The following MIPOL1 variants were observed in gnomAD, a reference collection of about 807,000 sequenced individuals.
MIPOL1 encodes the protein mirror-image polydactyly 1, also known as mirror-image polydactyly gene 1 protein.
A neutral mutation model predicts 60.9 loss-of-function variants in MIPOL1; 57 were observed. That is an observed-to-expected ratio of 0.94 (90% CI 0.76 to 1.17). The LOEUF is 1.17. MIPOL1 is among the 50% of genes most tolerant of loss of function. The pLI is 0.00. For synonymous variants in MIPOL1, 179 were observed against 168.8 expected, an observed-to-expected ratio of 1.06 and a Z score of -0.47; for missense variants, 551 against 511.6, an observed-to-expected ratio of 1.08 and a Z score of -0.74.
chr14:37,401,686 C>T (rs938427670), intron 10 of MIPOL1: 3 of 151,954 alleles, frequency 2.0e-5, no homozygotes, highest in Non-Finnish European at 4.4e-5. Context: ...ATTCATTCTT[C>T]CTGGAGGAAT....
intron 9 of MIPOL1, among the ~76,000 whole-genome samples, chr14:37,359,672 G>A (rs1415314681): frequency 6.6e-6 from 1 of 152,150 alleles, no homozygotes; most frequent in Non-Finnish European, 1.5e-5. Context: ...TTTGCACATT[G>A]ATTTTGTATC....
chr14:37,438,943 G>A (rs1314147482), intron 11 of MIPOL1, among the ~76,000 whole-genome samples: 1 of 152,150 alleles, frequency 6.6e-6, no homozygotes, highest in African/African-American at 2.4e-5. Context: ...CTGTGCTGTA[G>A]CACAATCACT....
chr14:37,510,363 C>T (rs527473600), intron 12 of MIPOL1, among the ~76,000 whole-genome samples: 4 of 152,040 alleles, frequency 2.6e-5, no homozygotes, highest in South Asian at 2.1e-4. Context: ...TACAGGCATG[C>T]GTCACCACAC....
chr14:37,393,795 T>A (rs772203776), intron 10 of MIPOL1, among the ~76,000 whole-genome samples: 87 of 151,212 alleles, frequency 5.8e-4, no homozygotes, highest in Non-Finnish European at 1.1e-3. Flanking sequence ...GGTGCACCCA[T>A]CACCTGAGCA....
At chr14:37,313,684 T>A (rs1435006984) in intron 9 of MIPOL1, among the ~76,000 whole-genome samples, 1 of 152,168 alleles carries the variant, frequency 6.6e-6, no homozygotes, top group Non-Finnish European at 1.5e-5. Context: ...TACATGCGTG[T>A]TTGGACTCTA....
In MIPOL1 at chr14:37,247,843, GC is replaced by G. The variant is rs761108346; in HGVS notation, c.-45del. The G allele has an allele frequency of 2.5e-5, 41 of 1,608,826 alleles. No individual in the cohort carries two copies. The highest frequency in any genetic ancestry group is 3.1e-5 in the Non-Finnish European group (37 of 1,177,318). ...CTTTATTTTAGCTGCAAATCTTGGA[GC>G]AAAAACCAGAGACATTGCCAGAGCA... On this transcript the variant is annotated 5_prime_UTR_variant, in exon 3 of 13. Transcript: ENST00000684589.
intron 10 of MIPOL1, among the ~76,000 whole-genome samples, chr14:37,380,887 C>A (rs888743013): frequency 6.6e-6 from 1 of 152,120 alleles, no homozygotes; most frequent in Non-Finnish European, 1.5e-5. Flanking sequence ...TTAGGCCCAA[C>A]AGGCAGATGT....
chr14:37,498,326 T>A (rs2095164449), intron 11 of MIPOL1, among the ~76,000 whole-genome samples: 1 of 152,212 alleles, frequency 6.6e-6, no homozygotes, highest in Admixed American at 6.5e-5. Context: ...TAATTAACAA[T>A]TAAAATATAA....
chr14:37,283,937 G>T (rs1244314700), intron 6 of MIPOL1, among the ~76,000 whole-genome samples: 4 of 151,952 alleles, frequency 2.6e-5, no homozygotes, highest in African/African-American at 4.8e-5. Context: ...TGTTATTATT[G>T]CCCTTACTGG....
At chr14:37,326,961 A>C (rs1250447330) in intron 9 of MIPOL1, among the ~76,000 whole-genome samples, 1 of 152,054 alleles carries the variant, frequency 6.6e-6, no homozygotes, top group Non-Finnish European at 1.5e-5. Context: ...AGAGCAGAAA[A>C]TGAAAAAAAA....
At chr14:37,395,233 T>C (rs1293767815) in intron 10 of MIPOL1, among the ~76,000 whole-genome samples, 2 of 152,064 alleles carry the variant, frequency 1.3e-5, no homozygotes, top group Non-Finnish European at 1.5e-5. Flanking sequence ...CTATGCGTGC[T>C]CTTTTTTGGT....
At chr14:37,521,446 T>A (rs1198461702) in intron 12 of MIPOL1, among the ~76,000 whole-genome samples, 2 of 152,194 alleles carry the variant, frequency 1.3e-5, no homozygotes. Context: ...ACACAATTTA[T>A]AGATCTCGTG....
intron 11 of MIPOL1, among the ~76,000 whole-genome samples, chr14:37,431,309 G>C (rs2094059699): frequency 6.6e-6 from 1 of 152,056 alleles, no homozygotes; most frequent in Non-Finnish European, 1.5e-5. Flanking sequence ...GCTTTTGCTA[G>C]ATTTTTCCTT....
intron 6 of MIPOL1, among the ~76,000 whole-genome samples, chr14:37,276,147 A>G (rs1594858499): frequency 6.6e-6 from 1 of 151,114 alleles, no homozygotes; most frequent in East Asian, 1.9e-4. Context: ...GCATTTTAAC[A>G]TGTAATTCAA....
chr14:37,303,020 T>G (rs531335263), intron 7 of MIPOL1, among the ~76,000 whole-genome samples: 1 of 152,064 alleles, frequency 6.6e-6, no homozygotes, highest in South Asian at 2.1e-4. Flanking sequence ...TATATTATAT[T>G]TACATGCAAT....
intron 12 of MIPOL1, among the ~76,000 whole-genome samples, chr14:37,534,027 G>T (rs1356629299): frequency 6.8e-6 from 1 of 147,910 alleles, no homozygotes; most frequent in Non-Finnish European, 1.5e-5. Flanking sequence ...GGTGGAGATT[G>T]CAGTGAGCCA....
intron 4 of MIPOL1, among the ~76,000 whole-genome samples, chr14:37,268,136 C>G (rs1436704776): frequency 6.6e-6 from 1 of 152,126 alleles, no homozygotes. Flanking sequence ...TTGCAGCATA[C>G]TATTTTTAAC....
intron 11 of MIPOL1, among the ~76,000 whole-genome samples, chr14:37,473,529 C>T (rs947552908): frequency 6.6e-6 from 1 of 152,100 alleles, no homozygotes; most frequent in South Asian, 2.1e-4. Flanking sequence ...TTCACTCCTA[C>T]TCTGTGTGTG....
At chr14:37,512,187 G>A (rs1290584759) in intron 12 of MIPOL1, among the ~76,000 whole-genome samples, 2 of 148,078 alleles carry the variant, frequency 1.4e-5, no homozygotes, top group African/African-American at 5.0e-5. Context: ...ACACACAGCT[G>A]TTTAAAGTCT....
Sources: allele counts gnomAD v4.1 joint callset (sites outside exome capture counted in the v4.1 genomes callset), GRCh38; gene constraint gnomAD v4.1.1; transcripts MANE v1.5; gene names NCBI Gene and HGNC (gene_info 2026-07-23, HGNC 2026-07-21).